MTDH: variants seen among roughly 807,000 people sequenced by gnomAD.
MTDH encodes protein LYRIC.
A neutral mutation model predicts 72.7 loss-of-function variants in MTDH; 34 were observed. That is an observed-to-expected ratio of 0.47 (90% confidence interval 0.36 to 0.62). MTDH has a LOEUF of 0.62. MTDH is among the 20% of genes least tolerant of loss of function. The pLI is 0.00. For synonymous variants in MTDH, 266 were observed against 268.9 expected, an observed-to-expected ratio of 0.99 and a Z score of 0.10; for missense variants, 677 against 699.4, an observed-to-expected ratio of 0.97 and a Z score of 0.36.
At chr8:97,673,668 G>A (rs1376229661) in intron 2 of MTDH, among the ~76,000 whole-genome samples, 1 of 150,030 alleles carries the variant, frequency 6.7e-6, no homozygotes. Flanking sequence ...CTTGGGCGGG[G>A]CGGGGAAGGG....
At chr8:97,684,402 C>G (rs1753627811) in intron 2 of MTDH, among the ~76,000 whole-genome samples, 1 of 151,882 alleles carries the variant, frequency 6.6e-6, no homozygotes, top group Non-Finnish European at 1.5e-5. Flanking sequence ...CAGCACTGCT[C>G]TAGACCAAGG....
At chr8:97,702,821 G>A (rs1260746942) in intron 7 of MTDH, among the ~76,000 whole-genome samples, 7 of 151,892 alleles carry the variant, frequency 4.6e-5, no homozygotes, top group Admixed American at 4.6e-4. Flanking sequence ...AGAAACAGCT[G>A]ACAACCAAAT....
At chr8:97,664,914 C>G (rs143001341) in intron 2 of MTDH, among the ~76,000 whole-genome samples, 243 of 152,274 alleles carry the variant, frequency 1.6e-3, no homozygotes, top group Middle Eastern at 6.8e-3. Context: ...GCACGCACCA[C>G]CACGCCCAGC....
In MTDH at chr8:97,727,849, A is replaced by G. The variant is rs1815419175; in HGVS notation, c.*3179A>G. On this transcript the variant is annotated 3_prime_UTR_variant, in exon 12 of 12. Coordinates refer to ENST00000336273, the MANE Select transcript of MTDH (RefSeq NM_178812.4). ...GGAATCCTACCTATCTGTACCGACA[A>G]TTGAGCAAACAACAGTTGAGAGAGT... is the stretch of plus-strand genomic sequence containing the variant. The G allele has an allele frequency of 1.3e-5, 2 of 152,138 alleles. No homozygotes were observed. Among genetic ancestry groups the G allele is most frequent in the Admixed American group, 6.6e-5 (1 of 15,262 alleles). 9.4% of individuals were successfully genotyped at this position (152,138 alleles called of 1,614,324 possible). A position where few individuals can be genotyped will look rare whatever the true frequency, so the allele number is the denominator to read the frequency against.
At chr8:97,697,150 A>ATATTTTT in intron 6 of MTDH, among the ~76,000 whole-genome samples, 1 of 68,792 alleles carries the variant, frequency 1.5e-5, no homozygotes, top group African/African-American at 9.1e-5. Context: ...ATATATATAT[A>ATATTTTT]TTTTTTTTTT....
rs148799347 is a variant in MTDH at position 97,649,791 on chromosome 8, T to TG, written c.381+4906dup. Among the ~76,000 whole-genome samples, 421 of 152,188 alleles carry TG rather than the reference T, an allele frequency of 2.8e-3. 2 individuals carry two copies. The highest frequency in any genetic ancestry group is 9.5e-3 in the African/African-American group (394 of 41,534). On this transcript the variant is annotated intron_variant, in intron 1 of 11. Transcript: ENST00000336273. Reference sequence around the variant, plus strand: ...GTTATTTTTGTACTTTTTGTAGAGATGGAGTTTCACCATGTTGCCCACGCA... The same window carrying TG: ...GTTATTTTTGTACTTTTTGTAGAGATGGGAGTTTCACCATGTTGCCCACGCA...
At chr8:97,677,497 A>G (rs1812904265) in intron 2 of MTDH, among the ~76,000 whole-genome samples, 1 of 151,468 alleles carries the variant, frequency 6.6e-6, no homozygotes, top group Non-Finnish European at 1.5e-5. Flanking sequence ...TCTCAAAAAA[A>G]AAAAAAAGAA....
chr8:97,656,049 G>T (rs1223450311), intron 1 of MTDH, among the ~76,000 whole-genome samples: 1 of 152,010 alleles, frequency 6.6e-6, no homozygotes, highest in Non-Finnish European at 1.5e-5. Flanking sequence ...TCCATTTTTT[G>T]GGGGAAGTTG....
intron 1 of MTDH, among the ~76,000 whole-genome samples, chr8:97,652,224 T>C (rs990632075): frequency 9.2e-5 from 14 of 152,206 alleles, no homozygotes; most frequent in Non-Finnish European, 2.1e-4. Context: ...CCATGGCCCG[T>C]ATGGCCCAGC....
rs532272934 is a variant in MTDH at position 97,727,660 on chromosome 8, C to G, written c.*2990C>G. On this transcript the variant is annotated 3_prime_UTR_variant, in exon 12 of 12. Coordinates refer to ENST00000336273, the MANE Select transcript of MTDH (RefSeq NM_178812.4). ...CTAGTAGGGAAATAACTAACCTCTT[C>G]AGGCTTTATCAGGCCTGGAGGGGAA... 6.6e-6 allele frequency: 1 copy of G among 152,188 alleles called. No individual in the cohort carries two copies. The highest frequency in any genetic ancestry group is 2.4e-5 in the African/African-American group (1 of 41,526). The allele number at this position is 152,188 out of a possible 1,614,324, so 9.4% of individuals were successfully genotyped here.
At chr8:97,704,017 C>G (rs1814246393) in intron 7 of MTDH, among the ~76,000 whole-genome samples, 1 of 152,208 alleles carries the variant, frequency 6.6e-6, no homozygotes, top group Non-Finnish European at 1.5e-5. Context: ...CTATGTAATA[C>G]TGACTCCAGA....
intron 2 of MTDH, among the ~76,000 whole-genome samples, chr8:97,665,504 T>C (rs1486550172): frequency 1.3e-5 from 2 of 152,138 alleles, no homozygotes; most frequent in African/African-American, 2.4e-5. Context: ...AGAGAAGATA[T>C]CTAGTAATAC....
Position 97,705,147 on chromosome 8 carries a change from A to C in MTDH, c.1148-1479A>C, listed in dbSNP as rs571606348. ...CCCTGTTTCTACTAAAAATACAAAA[A>C]TTAGCCGGGTGTGGTGGTGCACGCC... On this transcript the variant is annotated intron_variant, in intron 7 of 11. Transcript: ENST00000336273. Among the ~76,000 whole-genome samples the C allele has an allele frequency of 3.3e-5, 5 of 151,792 alleles. No homozygotes were observed. In the South Asian group the frequency reaches 1.0e-3, roughly 32 times the overall value.
chr8:97,698,615 CTCT>C (rs745858150), intron 6 of MTDH, among the ~76,000 whole-genome samples: 6 of 152,188 alleles, frequency 3.9e-5, no homozygotes, highest in Non-Finnish European at 7.3e-5. Context: ...CCTCCTGCAA[CTCT>C]TCTTGTCTCT....
At position 97,660,638 on chromosome 8, in the gene MTDH, A is replaced by G. The variant is rs566989564; in HGVS notation, c.382-434A>G. ...TATGTTTATAAATAAAATATTTTCT[A>G]TCTGGCTGTTTACAGAAAAAGTTTG... On this transcript the variant is annotated intron_variant, in intron 1 of 11. Transcript: ENST00000336273. 8.5e-5 allele frequency among the ~76,000 whole-genome samples: 13 copies of G among 152,256 alleles called. 1 individual carries two copies. The highest frequency in any genetic ancestry group is 3.1e-4 in the African/African-American group (13 of 41,554).
intron 9 of MTDH, among the ~76,000 whole-genome samples, chr8:97,715,449 GT>G (rs1209926337): frequency 6.6e-6 from 1 of 152,104 alleles, no homozygotes; most frequent in African/African-American, 2.4e-5. Flanking sequence ...TTTGAAAGAA[GT>G]TTCTACATGG....
chr8:97,683,986 C>T (rs1413673449), intron 2 of MTDH, among the ~76,000 whole-genome samples: 7 of 152,094 alleles, frequency 4.6e-5, no homozygotes, highest in African/African-American at 1.7e-4. Context: ...TAGCGCATGC[C>T]TGTAATCCCA....
intron 2 of MTDH, among the ~76,000 whole-genome samples, chr8:97,668,366 T>C (rs912975310): frequency 3.3e-5 from 5 of 152,098 alleles, no homozygotes; most frequent in African/African-American, 1.2e-4. Flanking sequence ...TGCTTGCATG[T>C]TACAAAATCA....
chr8:97,723,393 G>A (rs1162153784), intron 11 of MTDH, among the ~76,000 whole-genome samples: 14 of 148,956 alleles, frequency 9.4e-5, no homozygotes, highest in Non-Finnish European at 1.8e-4. Flanking sequence ...GCGAGACTCC[G>A]TCTCAAAAAA....
Sources: allele counts gnomAD v4.1 joint callset (sites outside exome capture counted in the v4.1 genomes callset), GRCh38; gene constraint gnomAD v4.1.1; transcripts MANE v1.5; gene names NCBI Gene and HGNC (gene_info 2026-07-23, HGNC 2026-07-21).